Variants in AXDND1 observed in about 807,000 individuals in gnomAD.
The protein encoded by AXDND1 is axonemal dynein light chain domain containing 1.
A neutral mutation model predicts 137.5 loss-of-function variants in AXDND1; 110 were observed. That is an observed-to-expected ratio of 0.80 (90% CI 0.69 to 0.94). The LOEUF (loss-of-function observed/expected upper bound fraction) is 0.94. Among genes scored for constraint, AXDND1 ranks in the 40% least tolerant of loss-of-function variants. AXDND1 has a pLI of 0.00. For synonymous variants in AXDND1, 414 were observed against 399.7 expected, an observed-to-expected ratio of 1.04 and a Z score of -0.43; for missense variants, 1,191 against 1,169.8, an observed-to-expected ratio of 1.02 and a Z score of -0.26.
chr1:179,457,138 C>A, intron 16 of AXDND1: 1 of 909,478 alleles, frequency 1.1e-6, no homozygotes, highest in Non-Finnish European at 1.8e-6. Context: ...CATCCACCTT[C>A]TCCGCAGTGG....
At chr1:179,405,451 T>A (rs1184097954) in intron 11 of AXDND1, among the ~76,000 whole-genome samples, 1 of 152,198 alleles carries the variant, frequency 6.6e-6, no homozygotes, top group South Asian at 2.1e-4. Context: ...ATGGGATTAC[T>A]GGGTCAAAGG....
intron 12 of AXDND1, among the ~76,000 whole-genome samples, chr1:179,429,290 A>G (rs893047711): frequency 2.0e-5 from 3 of 152,200 alleles, no homozygotes; most frequent in Non-Finnish European, 4.4e-5. Flanking sequence ...TTTTTTGTAT[A>G]AAGGGGTCTT....
chr1:179,438,171 A>AATACATAAATAC (rs71114505), intron 15 of AXDND1, among the ~76,000 whole-genome samples: 3 of 151,318 alleles, frequency 2.0e-5, no homozygotes, highest in Non-Finnish European at 1.5e-5. Context: ...TAAATAAATA[A>AATACATAAATAC]ATAAATAAAT....
intron 12 of AXDND1, among the ~76,000 whole-genome samples, chr1:179,427,930 A>G (rs1435043812): frequency 2.0e-5 from 3 of 147,518 alleles, no homozygotes; most frequent in African/African-American, 7.5e-5. Flanking sequence ...AAAGGAGGAG[A>G]CCCAATGTAA....
In AXDND1 at chr1:179,377,190, C is replaced by T. The variant is rs184076106; in HGVS notation, c.375-1447C>T. Among the ~76,000 whole-genome samples, 447 of 152,286 alleles carry T rather than the reference C, an allele frequency of 2.9e-3. 3 individuals are homozygous for T. Among genetic ancestry groups the T allele is most frequent in the African/African-American group, 1.0e-2 (414 of 41,566 alleles). ...CAAGTGATCTGCCCCCTTCAGCCTC[C>T]CAAAGTGCTGGTGTTACAGGCATGA... On this transcript the variant is annotated intron_variant, in intron 4 of 25. Coordinates refer to ENST00000367618, the MANE Select transcript of AXDND1 (RefSeq NM_144696.6).
At chr1:179,457,214 G>T in intron 16 of AXDND1, 1 of 738,582 alleles carries the variant, frequency 1.4e-6, no homozygotes, top group Admixed American at 1.8e-5. Flanking sequence ...CACAGTCCAT[G>T]AGCATTCCTC....
At chr1:179,467,059 C>A (rs1468315254) in intron 16 of AXDND1, among the ~76,000 whole-genome samples, 1 of 152,064 alleles carries the variant, frequency 6.6e-6, no homozygotes, top group African/African-American at 2.4e-5. Context: ...ACCACCCGAC[C>A]CCTGAGTAGA....
chr1:179,462,878 C>A (rs1662562845), intron 16 of AXDND1, among the ~76,000 whole-genome samples: 1 of 152,070 alleles, frequency 6.6e-6, no homozygotes, highest in Non-Finnish European at 1.5e-5. Context: ...GGAATTTATC[C>A]ATTTCTTCTA....
At chr1:179,418,032 C>T (rs561344100) in intron 12 of AXDND1, among the ~76,000 whole-genome samples, 64 of 148,454 alleles carry the variant, frequency 4.3e-4, no homozygotes, top group Non-Finnish European at 6.2e-4. Flanking sequence ...GGGTGTTTCT[C>T]GCAGAGGGGG....
chr1:179,503,283 T>A (rs1360238843), intron 20 of AXDND1, among the ~76,000 whole-genome samples: 1 of 152,072 alleles, frequency 6.6e-6, no homozygotes, highest in African/African-American at 2.4e-5. Flanking sequence ...GTATGACAGA[T>A]CTCACAGTTT....
intron 21 of AXDND1, among the ~76,000 whole-genome samples, chr1:179,521,787 G>A (rs1353328923): frequency 9.8e-5 from 13 of 132,740 alleles, no homozygotes; most frequent in Admixed American, 9.6e-4. Flanking sequence ...TGCTGGGTAT[G>A]CTATTGATTC....
At position 179,368,836 on chromosome 1, in the gene AXDND1, A is replaced by G. The variant is rs1279840277; in HGVS notation, c.134A>G (p.Asp45Gly). 1 of 1,613,462 alleles carries G rather than the reference A, an allele frequency of 6.2e-7. No individual in the cohort carries two copies. The highest frequency in any genetic ancestry group is 8.5e-7 in the Non-Finnish European group (1 of 1,179,758). ...CTAAAGGAGAAAAAAAATATGGTGG[A>G]TCGTTCAAAACTCCTTCCTACTTCC... Reference protein sequence around the residue: ...PELKEKKNMVDRSKLLPTSLQ... With the variant: ...PELKEKKNMVGRSKLLPTSLQ... Residue 45 changes from aspartate to glycine, a missense_variant, in exon 3 of 26, where the codon GAT becomes GGT. Physicochemically the swap from Asp to Gly is moderately conservative, Grantham distance 94 (BLOSUM62 -1). Coordinates refer to ENST00000367618, the MANE Select transcript of AXDND1 (RefSeq NM_144696.6).
chr1:179,503,462 T>A (rs527617835), intron 20 of AXDND1, among the ~76,000 whole-genome samples: 188 of 152,138 alleles, frequency 1.2e-3, no homozygotes, highest in Middle Eastern at 0.01. Flanking sequence ...CAGTGAAAAA[T>A]TGGATGCACT....
chr1:179,497,974 G>C (rs1425935460), intron 20 of AXDND1, among the ~76,000 whole-genome samples: 1 of 152,064 alleles, frequency 6.6e-6, no homozygotes, highest in African/African-American at 2.4e-5. Context: ...CGTCTACAAG[G>C]AGAACTACAA....
Position 179,498,286 on chromosome 1 carries a change from A to T in AXDND1, c.2388+5335A>T, listed in dbSNP as rs1174688966. On this transcript the variant is annotated intron_variant, in intron 20 of 25. Transcript: ENST00000367618. ...AATAAAGTAAACAAAACAGCATGGT[A>T]CTGGTACAAAAACAGACATGTAGAC... Among the ~76,000 whole-genome samples the T allele has an allele frequency of 1.2e-3, 188 of 152,272 alleles. 1 individual carries two copies. Among genetic ancestry groups the T allele is most frequent in the South Asian group, 0.01 (50 of 4,826 alleles).
At chr1:179,541,419 A>C (rs1470834005) in intron 25 of AXDND1, among the ~76,000 whole-genome samples, 1 of 151,784 alleles carries the variant, frequency 6.6e-6, no homozygotes, top group African/African-American at 2.4e-5. Flanking sequence ...CATTGATCTT[A>C]CTGGGAGCTG....
chr1:179,548,448 G>C (rs1328746776), intron 25 of AXDND1, among the ~76,000 whole-genome samples: 1 of 152,132 alleles, frequency 6.6e-6, no homozygotes, highest in East Asian at 1.9e-4. Context: ...TCTGACAGCA[G>C]ACCCCAAGCT....
chr1:179,475,697 T>C (rs1442010402), intron 17 of AXDND1, among the ~76,000 whole-genome samples: 2 of 152,232 alleles, frequency 1.3e-5, no homozygotes, highest in Non-Finnish European at 2.9e-5. Context: ...CACTGTGGAC[T>C]TTTGAATAAA....
chr1:179,459,969 C>CTT (rs1266069408), intron 16 of AXDND1, among the ~76,000 whole-genome samples: 1 of 123,368 alleles, frequency 8.1e-6, no homozygotes, highest in East Asian at 2.3e-4. Context: ...TTCTTTCTTT[C>CTT]TTTCTTTTTC....
Sources: allele counts gnomAD v4.1 joint callset (sites outside exome capture counted in the v4.1 genomes callset), GRCh38; gene constraint gnomAD v4.1.1; transcripts MANE v1.5; gene names NCBI Gene and HGNC (gene_info 2026-07-23, HGNC 2026-07-21).